Variants in PIEZO2 observed in about 807,000 individuals in gnomAD.
PIEZO2 encodes the protein piezo type mechanosensitive ion channel component 2, also known as piezo-type mechanosensitive ion channel component 2.
A neutral mutation model predicts 337.3 loss-of-function variants in PIEZO2; 172 were observed. The observed-to-expected ratio is 0.51, with a 90% CI of 0.45 to 0.58. The LOEUF (loss-of-function observed/expected upper bound fraction) is 0.58, where lower values mean the gene tolerates loss of function less well. Among genes scored for constraint, PIEZO2 ranks in the 20% least tolerant of loss-of-function variants. PIEZO2 has a pLI of 0.00. For missense variants in PIEZO2, 3,028 were observed against 3,391.3 expected, an observed-to-expected ratio of 0.89 and a Z score of 2.66; for synonymous variants, 1,251 against 1,228.5, an observed-to-expected ratio of 1.02 and a Z score of -0.38.
rs1382337838 is a variant in PIEZO2 at position 11,111,083 on chromosome 18, A to T, written c.64+37442T>A. ...GGACAGACAGGGAGCCTCCCCAAGC[A>T]CTAGGGAGGTGCCTGCCTCAGTGCC... On this transcript the variant is annotated intron_variant, in intron 1 of 55. Coordinates refer to ENST00000674853, the MANE Select transcript of PIEZO2 (RefSeq NM_001378183.1). The surrounding 1 kb of genome is among the most constrained non-coding windows in gnomAD (Gnocchi z 6.2). 1.3e-5 allele frequency among the ~76,000 whole-genome samples: 2 copies of T among 152,166 alleles called. No individual in the cohort carries two copies. Among genetic ancestry groups the T allele is most frequent in the Admixed American group, 6.5e-5 (1 of 15,282 alleles).
intron 46 of PIEZO2, 47 bp downstream of exon 46, chr18:10,696,345 C>A (rs370310177): frequency 6.2e-7 from 1 of 1,613,760 alleles, no homozygotes; most frequent in South Asian, 1.1e-5. Flanking sequence ...CAGGAAGCGC[C>A]ATCGCCATGG....
In PIEZO2 at chr18:10,857,099, C is replaced by A. The variant is rs760374118; in HGVS notation, c.605G>T (p.Arg202Leu). 2.0e-4 allele frequency: 307 copies of A among 1,537,494 alleles called. No individual in the cohort carries two copies. Among genetic ancestry groups the A allele is most frequent in the Non-Finnish European group, 2.5e-4 (282 of 1,146,996 alleles). The change falls in exon 6 of 56, where the codon CGC becomes CTC. Residue 202 changes from arginine (R) to leucine (L), a missense_variant. Physicochemically the swap from Arg to Leu is moderately radical, Grantham distance 102. This residue lies in a region of PIEZO2 where 542 missense variants were observed against 605.6 expected (regional missense o/e 0.89). Transcript: ENST00000674853. Reference sequence around the variant, plus strand: ...CTTAGAGGCCACAGAGGCAAGCCTGCGGAACATTTTTAACTTCGTGCTTTC... The same window carrying A: ...CTTAGAGGCCACAGAGGCAAGCCTGAGGAACATTTTTAACTTCGTGCTTTC... The part of the protein sequence containing the change: ...LEESTKLKMF[R>L]RLASVASKLK...
intron 2 of PIEZO2, among the ~76,000 whole-genome samples, chr18:11,037,632 T>A (rs1245987381): frequency 1.3e-5 from 2 of 152,176 alleles, no homozygotes; most frequent in African/African-American, 2.4e-5. Flanking sequence ...GAAGCTAACC[T>A]ACTCTGCCAT....
At chr18:10,809,567 ATCTCTC>A (rs1021435566) in intron 7 of PIEZO2, among the ~76,000 whole-genome samples, 1 of 118,220 alleles carries the variant, frequency 8.5e-6, no homozygotes, top group Non-Finnish European at 1.7e-5. Context: ...CGCACCTGGC[ATCTCTC>A]TCTCTCTTTT....
At chr18:10,688,432 G>A (rs987763764) in intron 49 of PIEZO2, among the ~76,000 whole-genome samples, 1 of 152,182 alleles carries the variant, frequency 6.6e-6, no homozygotes, top group Admixed American at 6.5e-5. Flanking sequence ...TAGTTTGTTA[G>A]CAGCAACAGA....
chr18:10,712,236 C>T (rs2035849424), intron 39 of PIEZO2, among the ~76,000 whole-genome samples: 1 of 152,234 alleles, frequency 6.6e-6, no homozygotes, highest in Admixed American at 6.5e-5. Context: ...ACCCACCCTG[C>T]TGCACAAACC....
intron 16 of PIEZO2, among the ~76,000 whole-genome samples, chr18:10,785,840 A>C (rs760646655): frequency 2.6e-4 from 39 of 152,106 alleles, no homozygotes; most frequent in Non-Finnish European, 5.1e-4. Context: ...TTTCTCAGCT[A>C]GTCAAGGGAT....
At chr18:10,755,239 T>A (rs1271488159) in intron 27 of PIEZO2, among the ~76,000 whole-genome samples, 4 of 151,774 alleles carry the variant, frequency 2.6e-5, no homozygotes, top group Admixed American at 2.6e-4. Flanking sequence ...AGAGACTCCA[T>A]GTGTGGGGTC....
chr18:11,055,581 A>G (rs2037702360), intron 2 of PIEZO2, among the ~76,000 whole-genome samples: 1 of 152,164 alleles, frequency 6.6e-6, no homozygotes, highest in Non-Finnish European at 1.5e-5. Flanking sequence ...GCCAATTCAA[A>G]CTAGGGTGAA....
Position 11,102,554 on chromosome 18 carries a change from C to A in PIEZO2, c.65-36332G>T, listed in dbSNP as rs544941931. On this transcript the variant is annotated intron_variant, in intron 1 of 55. Transcript: ENST00000674853. The surrounding 1 kb of genome is among the most constrained non-coding windows in gnomAD (Gnocchi z 5.7). ...ATGGGGCTATGGGGAGAGGAAGCAT[C>A]GGGGGTGAAGCATCATGCCAGCTTG... is the stretch of plus-strand genomic sequence containing the variant. 1.3e-5 allele frequency among the ~76,000 whole-genome samples: 2 copies of A among 152,266 alleles called. No homozygotes were observed. The highest frequency in any genetic ancestry group is 3.9e-4 in the East Asian group (2 of 5,176).
In PIEZO2 at chr18:10,878,315, T is replaced by C. The variant is rs890479872; in HGVS notation, c.330-6900A>G. The stretch of plus-strand genomic sequence containing the variant: ...GTTCTTTTCTTTTTATCATGATAGT[T>C]TGTGCAAAGCACTGTTGAAGAATTA... On this transcript the variant is annotated intron_variant, in intron 4 of 55. Transcript: ENST00000674853. The surrounding 1 kb of genome is among the most constrained non-coding windows in gnomAD (Gnocchi z 4.3). 6.6e-5 allele frequency among the ~76,000 whole-genome samples: 10 copies of C among 152,226 alleles called. No homozygotes were observed. Among genetic ancestry groups the C allele is most frequent in the Admixed American group, 2.0e-4 (3 of 15,286 alleles).
chr18:10,677,708 A>T lies in PIEZO2; in HGVS notation c.8081+39T>A. On this transcript the variant is annotated intron_variant, in intron 53 of 55. Coordinates refer to ENST00000674853, the MANE Select transcript of PIEZO2 (RefSeq NM_001378183.1). The surrounding 1 kb of genome is among the most constrained non-coding windows in gnomAD (Gnocchi z 4.1). ...TGGACATTTTGTACCAGCTGCATAT[A>T]CCTAACAAAGCTCTATTAGTAGGAA... is the stretch of plus-strand genomic sequence containing the variant. 6.3e-7 allele frequency: 1 copy of T among 1,595,256 alleles called. No individual in the cohort carries two copies. Among genetic ancestry groups the T allele is most frequent in the Non-Finnish European group, 8.5e-7 (1 of 1,173,686 alleles).
intron 5 of PIEZO2, among the ~76,000 whole-genome samples, chr18:10,866,287 C>T (rs1257685296): frequency 2.1e-5 from 3 of 141,922 alleles, no homozygotes; most frequent in African/African-American, 5.1e-5. Context: ...AATATCCCTG[C>T]CTTTTTTTTT....
intron 9 of PIEZO2, among the ~76,000 whole-genome samples, chr18:10,801,880 A>T (rs1425098317): frequency 6.6e-6 from 1 of 152,050 alleles, no homozygotes; most frequent in Non-Finnish European, 1.5e-5. Flanking sequence ...AGGCCAGGGG[A>T]TCGAGACCAT....
chr18:10,936,282 C>G (rs1006425601), intron 3 of PIEZO2, among the ~76,000 whole-genome samples: 2 of 152,158 alleles, frequency 1.3e-5, no homozygotes, highest in African/African-American at 4.8e-5. Flanking sequence ...GTCGCAATTT[C>G]TCTTTTTATA....
chr18:10,778,941 A>C (rs936109845), intron 18 of PIEZO2, among the ~76,000 whole-genome samples: 3 of 152,242 alleles, frequency 2.0e-5, no homozygotes, highest in African/African-American at 7.2e-5. Context: ...TAAATGCTTC[A>C]TAAGAAACAC....
rs114722049 is a variant in PIEZO2 at position 11,019,181 on chromosome 18, C to T, written c.161-39521G>A. On this transcript the variant is annotated intron_variant, in intron 2 of 55. Transcript: ENST00000674853. ...TACCTTGCACCACAGAAGGCAGCAG[C>T]CTTCTAAGGGTCCTCCCTGTTACTT... 2.4e-3 allele frequency among the ~76,000 whole-genome samples: 373 copies of T among 152,320 alleles called. 5 individuals are homozygous for T. The highest frequency in any genetic ancestry group is 8.9e-3 in the African/African-American group (368 of 41,572).
At chr18:10,998,416 A>T (rs969609394) in intron 2 of PIEZO2, among the ~76,000 whole-genome samples, 4 of 151,804 alleles carry the variant, frequency 2.6e-5, no homozygotes, top group African/African-American at 9.7e-5. Context: ...AATTCATGGA[A>T]TTTCTAGAAA....
chr18:10,705,723 A>G lies in PIEZO2; in HGVS notation c.5612T>C (p.Leu1871Pro), dbSNP rs927995445. 2 of 1,533,946 alleles carry G rather than the reference A, an allele frequency of 1.3e-6. No individual in the cohort carries two copies. The highest frequency in any genetic ancestry group is 1.4e-5 in the African/African-American group (1 of 73,018). The change falls in exon 41 of 56, where the codon CTG becomes CCG. Residue 1871 changes from leucine to proline, a missense_variant. This residue lies in a region of PIEZO2 where 1,925 missense variants were observed against 2,051.9 expected (regional missense o/e 0.94). Coordinates refer to ENST00000674853, the MANE Select transcript of PIEZO2 (RefSeq NM_001378183.1). ...CTCAGTGGTCCCCTGGCGTGAGTACAGCATGGTACACTGCGTGGGCTCGCT... is the reference window on the plus strand; with the variant it reads ...CTCAGTGGTCCCCTGGCGTGAGTACGGCATGGTACACTGCGTGGGCTCGCT... ...ASSEPTQCTM[L>P]YSRQGTTETI...
Sources: allele counts gnomAD v4.1 joint callset (sites outside exome capture counted in the v4.1 genomes callset), GRCh38; gene constraint gnomAD v4.1.1; regional missense constraint gnomAD v4.1.1; non-coding constraint Gnocchi (gnomAD v3.1); transcripts MANE v1.5; gene names NCBI Gene and HGNC (gene_info 2026-07-23, HGNC 2026-07-21).